TAF12: variants seen among roughly 807,000 people sequenced by gnomAD.
The protein encoded by TAF12 is TATA-box binding protein associated factor 12.
A neutral mutation model predicts 20.8 loss-of-function variants in TAF12; 3 were observed. That is an observed-to-expected ratio of 0.14 (90% CI 0.07 to 0.37). The LOEUF (loss-of-function observed/expected upper bound fraction) is 0.37, where lower values mean the gene tolerates loss of function less well. TAF12 is among the 10% of genes least tolerant of loss of function. The pLI, the probability that TAF12 is intolerant of heterozygous loss-of-function variation, is 1.00. For missense variants in TAF12, 131 were observed against 197.9 expected, an observed-to-expected ratio of 0.66 and a Z score of 2.03; for synonymous variants, 69 against 70.2, an observed-to-expected ratio of 0.98 and a Z score of 0.09.
intron 1 of TAF12, among the ~76,000 whole-genome samples, chr1:28,629,000 G>A (rs1667531121): frequency 6.6e-6 from 1 of 152,198 alleles, no homozygotes; most frequent in South Asian, 2.1e-4. Context: ...TGCATGGAGA[G>A]GCAGAGGTTG....
chr1:28,616,386 ATT>A (rs1323513531), intron 3 of TAF12, among the ~76,000 whole-genome samples: 8 of 144,988 alleles, frequency 5.5e-5, no homozygotes, highest in South Asian at 4.5e-4. Context: ...GCTGAGCAAG[ATT>A]CTGTCTCAAA....
chr1:28,611,689 G>A (rs950724603), intron 4 of TAF12, among the ~76,000 whole-genome samples: 4 of 152,138 alleles, frequency 2.6e-5, no homozygotes, highest in Non-Finnish European at 5.9e-5. Context: ...TTCCCTAGGG[G>A]CAGCAGAGGA....
intron 1 of TAF12, among the ~76,000 whole-genome samples, chr1:28,628,158 C>T (rs1667483074): frequency 7.1e-6 from 1 of 141,622 alleles, no homozygotes; most frequent in African/African-American, 2.7e-5. Flanking sequence ...TCGAGACCAG[C>T]CTGGTCAATA....
At chr1:28,642,919 G>A in intron 1 of TAF12, 73 bp downstream of exon 1, 1 of 986,150 alleles carries the variant, frequency 1.0e-6, no homozygotes, top group Non-Finnish European at 1.2e-6. Context: ...TTCGAACACT[G>A]ACCCACTGTA....
intron 4 of TAF12, among the ~76,000 whole-genome samples, chr1:28,607,007 CT>C (rs2124294437): frequency 6.6e-6 from 1 of 152,326 alleles, no homozygotes; most frequent in African/African-American, 2.4e-5. Flanking sequence ...CCTGGTGCCC[CT>C]GGATATTATC....
chr1:28,617,584 C>T (rs1211636785), intron 3 of TAF12, among the ~76,000 whole-genome samples: 4 of 151,716 alleles, frequency 2.6e-5, no homozygotes, highest in Non-Finnish European at 5.9e-5. Flanking sequence ...GTAGCTGGGA[C>T]TACAGGCGCC....
chr1:28,610,979 A>C (rs963546959), intron 4 of TAF12, among the ~76,000 whole-genome samples: 1 of 92,684 alleles, frequency 1.1e-5, no homozygotes, highest in Admixed American at 1.1e-4. Context: ...AAAAAAAAAA[A>C]AAAACACAGG....
chr1:28,641,793 CAAAAAA>C (rs35540210), intron 1 of TAF12, among the ~76,000 whole-genome samples: 1 of 86,486 alleles, frequency 1.2e-5, no homozygotes, highest in Non-Finnish European at 2.2e-5. Flanking sequence ...GAACCTGTCT[CAAAAAA>C]AAAAAAAAAA....
chr1:28,605,330 G>A (rs982691098), intron 5 of TAF12, 42 bp downstream of exon 5: 2 of 1,604,458 alleles, frequency 1.2e-6, no homozygotes. Flanking sequence ...GTAACTCAAG[G>A]AATCAGCCCT....
chr1:28,609,533 C>G (rs1242695196), intron 4 of TAF12, among the ~76,000 whole-genome samples: 1 of 152,042 alleles, frequency 6.6e-6, no homozygotes, highest in Non-Finnish European at 1.5e-5. Flanking sequence ...GTCGCCCAGG[C>G]TGGAGTGCAG....
chr1:28,647,814 C>T (rs549562980), upstream of TAF12, among the ~76,000 whole-genome samples: 2 of 151,858 alleles, frequency 1.3e-5, no homozygotes, highest in South Asian at 2.1e-4. Flanking sequence ...GTGGAGCTTG[C>T]GGTGAGCCGA....
At chr1:28,628,994 T>C (rs1171870402) in intron 1 of TAF12, among the ~76,000 whole-genome samples, 1 of 152,156 alleles carries the variant, frequency 6.6e-6, no homozygotes, top group East Asian at 1.9e-4. Flanking sequence ...ATCGCTTGCA[T>C]GGAGAGGCAG....
rs987988784 is a variant in TAF12 at position 28,628,450 on chromosome 1, T to C, written c.-84-6285A>G. 4.6e-5 allele frequency among the ~76,000 whole-genome samples: 7 copies of C among 151,918 alleles called. No homozygotes were observed. The East Asian group carries it at 5.8e-4, about 13-fold the overall frequency. ...GAAATGTCCAGAATAGGCAAACCCATAGACAGAAAGTAGATTAGTTGTTGC... is the reference window on the plus strand; with the variant it reads ...GAAATGTCCAGAATAGGCAAACCCACAGACAGAAAGTAGATTAGTTGTTGC... On this transcript the variant is annotated intron_variant, in intron 1 of 5. Coordinates refer to ENST00000373824, the MANE Select transcript of TAF12 (RefSeq NM_005644.4).
At chr1:28,621,784 C>T in intron 2 of TAF12, 130 bp downstream of exon 2, 1 of 1,393,694 alleles carries the variant, frequency 7.2e-7, no homozygotes, top group Non-Finnish European at 9.6e-7. Context: ...GTTAGAAATC[C>T]AAAAGAGGGA....
chr1:28,625,378 CTCTT>C (rs1429860858), intron 1 of TAF12, among the ~76,000 whole-genome samples: 8 of 152,068 alleles, frequency 5.3e-5, no homozygotes, highest in Non-Finnish European at 8.8e-5. Flanking sequence ...GTCCCTTTCT[CTCTT>C]TTTTTTGAGA....
intron 4 of TAF12, among the ~76,000 whole-genome samples, chr1:28,611,114 A>G (rs963298901): frequency 3.9e-5 from 6 of 152,016 alleles, no homozygotes; most frequent in African/African-American, 1.4e-4. Context: ...CCAGGTGCTC[A>G]TGGGATGTTA....
intron 1 of TAF12, among the ~76,000 whole-genome samples, chr1:28,633,184 T>G (rs1192526002): frequency 7.0e-6 from 1 of 142,642 alleles, no homozygotes; most frequent in African/African-American, 2.6e-5. Context: ...TTTTTTTTTT[T>G]GAGACAGAAT....
intron 1 of TAF12, among the ~76,000 whole-genome samples, chr1:28,627,633 C>T (rs1667456070): frequency 8.0e-6 from 1 of 124,346 alleles, no homozygotes; most frequent in Non-Finnish European, 1.5e-5. Context: ...GCGGAGCTTG[C>T]AGTGAGCCGA....
At position 28,635,123 on chromosome 1, in the gene TAF12, C is replaced by T. The variant is rs369161398; in HGVS notation, c.-85+7869G>A. ...CGGGTGCCTGTAGTCCCAGCTACTC[C>T]GGAGGCTGAAGCAGGAGAATAGCGC... On this transcript the variant is annotated intron_variant, in intron 1 of 5. Coordinates refer to ENST00000373824, the MANE Select transcript of TAF12 (RefSeq NM_005644.4). 1.9e-4 allele frequency among the ~76,000 whole-genome samples: 21 copies of T among 109,470 alleles called. No homozygotes were observed. The South Asian group carries it at 4.6e-3, about 24-fold the overall frequency. The allele number at this position is 109,470 out of a possible 152,430, so 71.8% of individuals were successfully genotyped here.
Sources: gnomAD v4.1 joint callset for allele counts (sites outside exome capture counted in the v4.1 genomes callset) on GRCh38, gnomAD v4.1.1 for gene constraint, MANE v1.5 for transcripts, NCBI Gene and HGNC (gene_info 2026-07-23, HGNC 2026-07-21) for gene names.